The following MAP3K5 variants were observed in gnomAD, a reference collection of about 807,000 sequenced individuals.
The protein encoded by MAP3K5 is ASK-1.
MAP3K5 carries 56 observed loss-of-function variants against 158.7 expected under a neutral mutation model. The observed-to-expected ratio is 0.35, with a 90% CI of 0.28 to 0.44. The LOEUF is 0.44. Ranked by LOEUF, MAP3K5 falls within the 20% of genes least tolerant of loss-of-function variation. The probability of loss-of-function intolerance (pLI) is 1.00; values close to 1 mark genes in which losing one functional copy is unlikely to be tolerated. For synonymous variants in MAP3K5, 579 were observed against 601.7 expected (o/e 0.96, Z 0.55); for missense variants, 1,294 against 1,674.8 (o/e 0.77, Z 3.97).
chr6:136,610,851 G>A (rs1776305543), intron 18 of MAP3K5, among the ~76,000 whole-genome samples: 1 of 152,058 alleles, frequency 6.6e-6, no homozygotes, highest in Non-Finnish European at 1.5e-5. Flanking sequence ...GCTCACGCCT[G>A]TAATCCCAAC....
In MAP3K5 at chr6:136,582,242, A is replaced by G. The variant is rs960536212; in HGVS notation, c.3411+1313T>C. On this transcript the variant is annotated intron_variant, in intron 24 of 29. Transcript: ENST00000359015. Reference sequence around the variant, plus strand: ...AGTGAATGAGCAAGAGCAGGCGTGTATGTGTACACGTGTGTGTATACGTGT... The same window carrying G: ...AGTGAATGAGCAAGAGCAGGCGTGTGTGTGTACACGTGTGTGTATACGTGT... Among the ~76,000 whole-genome samples, 561 of 146,080 alleles carry G rather than the reference A, an allele frequency of 3.8e-3. 1 individual carries two copies. Among genetic ancestry groups the G allele is most frequent in the Middle Eastern group, 7.1e-3 (2 of 280 alleles).
intron 8 of MAP3K5, among the ~76,000 whole-genome samples, chr6:136,663,081 G>A (rs1779075460): frequency 6.6e-6 from 1 of 152,202 alleles, no homozygotes; most frequent in Admixed American, 6.5e-5. Context: ...CTAGCACTGT[G>A]TGTACTGAAA....
At chr6:136,604,939 T>C (rs1284416371) in intron 19 of MAP3K5, among the ~76,000 whole-genome samples, 2 of 152,226 alleles carry the variant, frequency 1.3e-5, no homozygotes, top group Non-Finnish European at 2.9e-5. Context: ...AGTATAGTCA[T>C]GTGTTATTTA....
At position 136,698,648 on chromosome 6, in the gene MAP3K5, A is replaced by C; in HGVS notation, c.647T>G (p.Met216Arg). 6.2e-7 allele frequency: 1 copy of C among 1,613,984 alleles called. No homozygotes were observed. Among genetic ancestry groups the C allele is most frequent in the Non-Finnish European group, 8.5e-7 (1 of 1,179,924 alleles). Reference protein sequence around the residue: ...CTGNYTFVPYMITPHNKVYCC... With the variant: ...CTGNYTFVPYRITPHNKVYCC... ...GTAGACTTTGTTATGTGGAGTTATCATGTAAGGAACAAAGGTGTAGTTCCC... is the reference window on the plus strand; with the variant it reads ...GTAGACTTTGTTATGTGGAGTTATCCTGTAAGGAACAAAGGTGTAGTTCCC... The change falls in exon 4 of 30, where the codon ATG becomes AGG. Residue 216 changes from methionine (M) to arginine (R), a missense_variant. This residue lies in a region of MAP3K5 where 690 missense variants were observed against 870.5 expected (regional missense o/e 0.79). Transcript: ENST00000359015.
At chr6:136,629,580 G>A (rs894044515) in intron 14 of MAP3K5, among the ~76,000 whole-genome samples, 2 of 151,656 alleles carry the variant, frequency 1.3e-5, no homozygotes, top group South Asian at 2.1e-4. Flanking sequence ...TCAGCCTCCC[G>A]AGCAGCTGGG....
intron 7 of MAP3K5, among the ~76,000 whole-genome samples, chr6:136,671,921 C>T (rs376750440): frequency 4.0e-5 from 6 of 151,890 alleles, no homozygotes; most frequent in East Asian, 3.8e-4. Flanking sequence ...CCACTGCACT[C>T]GGCCAACTAT....
intron 1 of MAP3K5, among the ~76,000 whole-genome samples, chr6:136,761,308 C>CAAT (rs1351729297): frequency 3.7e-5 from 3 of 81,258 alleles, no homozygotes; most frequent in African/African-American, 1.3e-4. Context: ...AAAAAAAAAA[C>CAAT]GAACAGTCAG....
intron 25 of MAP3K5, among the ~76,000 whole-genome samples, chr6:136,570,244 A>T (rs1450324837): frequency 6.6e-6 from 1 of 152,048 alleles, no homozygotes; most frequent in Non-Finnish European, 1.5e-5. Context: ...GTACCTTTTT[A>T]TATTTACCCT....
At chr6:136,648,040 T>C (rs1778349190) in intron 11 of MAP3K5, 1 of 152,206 alleles carries the variant, frequency 6.6e-6, no homozygotes, top group Non-Finnish European at 1.5e-5. Context: ...ATGTTGCTGA[T>C]GGGGTTGCTG....
Position 136,560,076 on chromosome 6 carries a change from A to ATAAAT in MAP3K5, c.3988-1201_3988-1200insATTTA, listed in dbSNP as rs201812023. 1.4e-5 allele frequency among the ~76,000 whole-genome samples: 2 copies of ATAAAT among 138,872 alleles called. 1 individual carries two copies. The highest frequency in any genetic ancestry group is 4.8e-4 in the East Asian group (2 of 4,198). 91.1% of individuals were successfully genotyped at this position (138,872 alleles called of 152,430 possible). On this transcript the variant is annotated intron_variant, in intron 28 of 29. Coordinates refer to ENST00000359015, the MANE Select transcript of MAP3K5 (RefSeq NM_005923.4). ...TTTATTTTTAAAATTTAAATATAAA[A>ATAAAT]CAAAACAATATTGTATTAAGAGGGT...
chr6:136,698,337 T>A, intron 4 of MAP3K5, 152 bp downstream of exon 4: 1 of 640,808 alleles, frequency 1.6e-6, no homozygotes, highest in South Asian at 2.2e-5. Flanking sequence ...TTATGTGGCA[T>A]CTATTTTATC....
At chr6:136,786,862 T>G (rs1260669766) in intron 1 of MAP3K5, among the ~76,000 whole-genome samples, 3 of 147,878 alleles carry the variant, frequency 2.0e-5, no homozygotes, top group African/African-American at 7.5e-5. Flanking sequence ...TGGACTGCAG[T>G]AGCACGATTT....
chr6:136,672,156 A>C (rs1367354858), intron 7 of MAP3K5, among the ~76,000 whole-genome samples: 2 of 152,200 alleles, frequency 1.3e-5, no homozygotes, highest in East Asian at 3.8e-4. Context: ...ACAAATATTA[A>C]ATGTGAGGGG....
intron 8 of MAP3K5, among the ~76,000 whole-genome samples, chr6:136,663,576 C>T (rs979447444): frequency 6.7e-6 from 1 of 148,846 alleles, no homozygotes; most frequent in African/African-American, 2.5e-5. Context: ...ACATTAATTG[C>T]ATTTAGTTTT....
intron 1 of MAP3K5, among the ~76,000 whole-genome samples, chr6:136,764,114 T>C (rs1457329464): frequency 6.6e-6 from 1 of 152,208 alleles, no homozygotes; most frequent in East Asian, 1.9e-4. Context: ...CAGCCACCTG[T>C]ACATGTGCAC....
At chr6:136,733,634 A>C (rs1357643867) in intron 1 of MAP3K5, among the ~76,000 whole-genome samples, 3 of 151,970 alleles carry the variant, frequency 2.0e-5, no homozygotes, top group African/African-American at 4.8e-5. Flanking sequence ...AACAAAAAAA[A>C]CCTTTTTTTT....
intron 26 of MAP3K5, among the ~76,000 whole-genome samples, chr6:136,564,189 G>A (rs897692993): frequency 6.6e-6 from 1 of 152,174 alleles, no homozygotes. Flanking sequence ...CCCTGGAAAA[G>A]AGCCTTTCCA....
chr6:136,786,564 C>T (rs1003129417), intron 1 of MAP3K5, among the ~76,000 whole-genome samples: 7 of 151,828 alleles, frequency 4.6e-5, no homozygotes, highest in Admixed American at 2.0e-4. Context: ...CTCTTGTATA[C>T]GTAAATAAGA....
At chr6:136,757,586 A>ATTTATTTTTT (rs1562679223) in intron 1 of MAP3K5, among the ~76,000 whole-genome samples, 3 of 127,816 alleles carry the variant, frequency 2.3e-5, no homozygotes, top group African/African-American at 9.4e-5. Context: ...TTTATTTTTT[A>ATTTATTTTTT]TTTTTTTTTT....
Sources: allele counts gnomAD v4.1 joint callset (sites outside exome capture counted in the v4.1 genomes callset), GRCh38; gene constraint gnomAD v4.1.1; regional missense constraint gnomAD v4.1.1; transcripts MANE v1.5; gene names NCBI Gene and HGNC (gene_info 2026-07-23, HGNC 2026-07-21).